VTI1A: variants seen among roughly 807,000 people sequenced by gnomAD.
The protein encoded by VTI1A is vesicle transport through interaction with t-SNAREs 1A, also known as vesicle transport through interaction with t-SNAREs homolog 1A.
In VTI1A, 22 loss-of-function variants were observed where a neutral mutation model predicts 34.9. The ratio of observed to expected loss-of-function variants is 0.63; its 90% confidence interval spans 0.45 to 0.90. VTI1A has a LOEUF of 0.90. Among genes scored for constraint, VTI1A ranks in the 40% least tolerant of loss-of-function variants. The probability of loss-of-function intolerance (pLI) is 0.00; values close to 1 mark genes in which losing one functional copy is unlikely to be tolerated. For synonymous variants in VTI1A, 87 were observed against 97.3 expected, an observed-to-expected ratio of 0.89 and a Z score of 0.62; for missense variants, 268 against 275.6, an observed-to-expected ratio of 0.97 and a Z score of 0.20.
At chr10:112,617,377 T>A (rs905165823) in intron 5 of VTI1A, among the ~76,000 whole-genome samples, 1 of 152,044 alleles carries the variant, frequency 6.6e-6, no homozygotes, top group African/African-American at 2.4e-5. Context: ...AGGGGTTTTT[T>A]AAAAGAAGTA....
intron 7 of VTI1A, among the ~76,000 whole-genome samples, chr10:112,741,767 A>T (rs1850703523): frequency 1.3e-5 from 2 of 152,168 alleles, no homozygotes; most frequent in Non-Finnish European, 2.9e-5. Context: ...AAAAGGGGGA[A>T]ATGCTTTTCA....
At chr10:112,683,965 C>T (rs1259238776) in intron 7 of VTI1A, among the ~76,000 whole-genome samples, 1 of 152,028 alleles carries the variant, frequency 6.6e-6, no homozygotes, top group African/African-American at 2.4e-5. Context: ...ACCGCTTGAA[C>T]CCGGGAGGTA....
At chr10:112,533,922 T>C (rs561279900) in intron 4 of VTI1A, among the ~76,000 whole-genome samples, 6 of 152,254 alleles carry the variant, frequency 3.9e-5, no homozygotes, top group Non-Finnish European at 5.9e-5. Context: ...ATTTTTTTTT[T>C]CTAACATTCT....
At chr10:112,606,040 T>TC (rs957276669) in intron 5 of VTI1A, among the ~76,000 whole-genome samples, 3 of 151,324 alleles carry the variant, frequency 2.0e-5, no homozygotes, top group Admixed American at 6.6e-5. Context: ...TTTTTTTTTT[T>TC]TGAGACAGAG....
At chr10:112,714,863 T>A (rs188678546) in intron 7 of VTI1A, among the ~76,000 whole-genome samples, 2 of 152,358 alleles carry the variant, frequency 1.3e-5, no homozygotes, top group Admixed American at 6.5e-5. Flanking sequence ...ACATAACTCA[T>A]CTTGAAATTA....
chr10:112,733,592 G>A (rs1850346338), intron 7 of VTI1A, among the ~76,000 whole-genome samples: 2 of 151,934 alleles, frequency 1.3e-5, no homozygotes, highest in Admixed American at 1.3e-4. Context: ...CTCTGTTTTG[G>A]GTAATGTCAT....
chr10:112,449,131 T>C (rs1847127759), intron 1 of VTI1A: 1 of 152,250 alleles, frequency 6.6e-6, no homozygotes, highest in African/African-American at 2.4e-5. Flanking sequence ...GTTCTGCTTT[T>C]CTCCACTGCC....
At position 112,527,142 on chromosome 10, in the gene VTI1A, A is replaced by G; in HGVS notation, c.320A>G (p.Asp107Gly). 3.1e-6 allele frequency: 5 copies of G among 1,613,560 alleles called. No individual in the cohort carries two copies. Among genetic ancestry groups the G allele is most frequent in the Non-Finnish European group, 4.2e-6 (5 of 1,179,682 alleles). ...DEVRNELLGD[D>G]GNSSENQRAH... ...GTACGGAATGAGCTCCTGGGGGATGATGGGAATTCCTCAGAGAACCAGGTA... is the reference window on the plus strand; with the variant it reads ...GTACGGAATGAGCTCCTGGGGGATGGTGGGAATTCCTCAGAGAACCAGGTA... The change falls in exon 4 of 8, where the codon GAT becomes GGT. Residue 107 changes from aspartate (D) to glycine (G), a missense_variant. By Grantham distance (94) the Asp-to-Gly change is moderately conservative (BLOSUM62 -1). Transcript: ENST00000393077.
chr10:112,787,557 G>A (rs1226011227), intron 7 of VTI1A, among the ~76,000 whole-genome samples: 1 of 151,876 alleles, frequency 6.6e-6, no homozygotes, highest in Non-Finnish European at 1.5e-5. Context: ...CCTTCAAATA[G>A]TGATAATTAT....
chr10:112,683,299 T>C (rs1249362705), intron 7 of VTI1A, among the ~76,000 whole-genome samples: 4 of 152,222 alleles, frequency 2.6e-5, no homozygotes, highest in African/African-American at 9.6e-5. Flanking sequence ...GTGTAACATA[T>C]AACAAGGTCC....
chr10:112,726,781 A>T (rs1195792250), intron 7 of VTI1A, among the ~76,000 whole-genome samples: 1 of 152,076 alleles, frequency 6.6e-6, no homozygotes, highest in African/African-American at 2.4e-5. Context: ...CATAGACTAG[A>T]TCCTGATGTG....
At chr10:112,812,256 C>T (rs1204242197) in intron 7 of VTI1A, among the ~76,000 whole-genome samples, 1 of 152,220 alleles carries the variant, frequency 6.6e-6, no homozygotes, top group Non-Finnish European at 1.5e-5. Flanking sequence ...ACACACTTTG[C>T]ATTTTCAAAA....
chr10:112,672,299 A>G (rs144000453), intron 7 of VTI1A, among the ~76,000 whole-genome samples: 59 of 152,338 alleles, frequency 3.9e-4, no homozygotes, highest in Middle Eastern at 3.4e-3. Context: ...TTCAACCGAA[A>G]AGAAATTGCT....
At chr10:112,843,797 C>A in the VTI1A span, among the ~76,000 whole-genome samples, 1 of 152,138 alleles carries the variant, frequency 6.6e-6, no homozygotes, top group Non-Finnish European at 1.5e-5. Flanking sequence ...CACCCCCAAT[C>A]CCCTGTCCTT....
At chr10:112,689,760 T>A (rs540698770) in intron 7 of VTI1A, among the ~76,000 whole-genome samples, 21 of 152,210 alleles carry the variant, frequency 1.4e-4, no homozygotes, top group African/African-American at 4.6e-4. Flanking sequence ...GTTTTTTTTT[T>A]AATTATTATT....
intron 5 of VTI1A, among the ~76,000 whole-genome samples, chr10:112,617,834 A>G (rs114851850): frequency 0.012 from 1,856 of 152,330 alleles, 43 homozygotes; most frequent in African/African-American, 0.043. Context: ...ACAAAGTAGA[A>G]GATGCCTGGG....
intron 3 of VTI1A, among the ~76,000 whole-genome samples, chr10:112,475,340 A>G (rs1442829747): frequency 6.6e-6 from 1 of 152,260 alleles, no homozygotes; most frequent in Non-Finnish European, 1.5e-5. Context: ...ATGTGTGTGC[A>G]TATGCACCCA....
rs367562800 is a variant in VTI1A, at chr10:112,650,738, C to T, written c.428-17480C>T. On this transcript the variant is annotated intron_variant, in intron 5 of 7. Coordinates refer to ENST00000393077, the MANE Select transcript of VTI1A (RefSeq NM_145206.4). ...TCAGCGCTATTATAATCTTTTGGGGCCACTGTCCTATACGTAGTCCCTCGT... is the reference window on the plus strand; with the variant it reads ...TCAGCGCTATTATAATCTTTTGGGGTCACTGTCCTATACGTAGTCCCTCGT... Among the ~76,000 whole-genome samples, 8 of 152,264 alleles carry T rather than the reference C, an allele frequency of 5.3e-5. 1 individual carries two copies. In the South Asian group the frequency reaches 1.0e-3, roughly 20 times the overall value.
At chr10:112,449,359 T>G (rs1847140442) in intron 1 of VTI1A, 1 of 152,242 alleles carries the variant, frequency 6.6e-6, no homozygotes, top group Admixed American at 6.5e-5. Context: ...AGTTGTAAAT[T>G]TCCAAGAAAA....
Sources: allele counts gnomAD v4.1 joint callset (sites outside exome capture counted in the v4.1 genomes callset), GRCh38; gene constraint gnomAD v4.1.1; transcripts MANE v1.5; gene names NCBI Gene and HGNC (gene_info 2026-07-23, HGNC 2026-07-21).